The following BSCL2 variants were observed in gnomAD, a reference collection of about 807,000 sequenced individuals.
BSCL2 encodes the protein seipin.
A neutral mutation model predicts 57.4 loss-of-function variants in BSCL2; 41 were observed. The observed-to-expected ratio is 0.71, with a 90% CI of 0.56 to 0.93. BSCL2 has a LOEUF of 0.93. Among genes scored for constraint, BSCL2 ranks in the 40% least tolerant of loss-of-function variants. The probability of loss-of-function intolerance (pLI) is 0.00; values close to 1 mark genes in which losing one functional copy is unlikely to be tolerated. For missense variants in BSCL2, 539 were observed against 586.7 expected, an observed-to-expected ratio of 0.92 and a Z score of 0.84; for synonymous variants, 237 against 227.3, an observed-to-expected ratio of 1.04 and a Z score of -0.38.
chr11:62,696,322 G>C (rs936937028), intron 3 of BSCL2, among the ~76,000 whole-genome samples: 2 of 149,024 alleles, frequency 1.3e-5, no homozygotes, highest in Admixed American at 6.7e-5. Context: ...GTGAAGACAA[G>C]GTCTTGCTCT....
At chr11:62,699,568 T>C (rs972061182) in intron 3 of BSCL2, among the ~76,000 whole-genome samples, 4 of 152,058 alleles carry the variant, frequency 2.6e-5, no homozygotes, top group African/African-American at 4.8e-5. Flanking sequence ...AGGCCAGGCA[T>C]GGTGGCTCAT....
rs1468142891 is a variant in BSCL2, at chr11:62,691,396, T to A, written c.889A>T (p.Thr297Ser). ...CTGGCAACACCTATGAAGGCGCAGG[T>A]CATCGGGAAGTTGTATAGCAGGTAT... Reference protein sequence around the residue: ...LRYLLYNFPMTCAFIGVASNF... With the variant: ...LRYLLYNFPMSCAFIGVASNF... The change falls in exon 7 of 11, where the codon ACC (threonine) becomes TCC (serine). Residue 297 changes from threonine to serine, a missense_variant. Coordinates refer to ENST00000360796, the MANE Select transcript of BSCL2 (RefSeq NM_001122955.4). 1.2e-6 allele frequency: 2 copies of A among 1,614,028 alleles called. No individual in the cohort carries two copies. The highest frequency in any genetic ancestry group is 2.7e-5 in the African/African-American group (2 of 74,914).
chr11:62,697,002 C>T (rs1945489061), intron 3 of BSCL2, among the ~76,000 whole-genome samples: 2 of 151,516 alleles, frequency 1.3e-5, no homozygotes, highest in Non-Finnish European at 2.9e-5. Flanking sequence ...TGGGCCACTG[C>T]ACTCCAACCG....
At chr11:62,690,996 T>C (rs767077492) in intron 8 of BSCL2, 79 bp downstream of exon 8, 543 of 1,580,958 alleles carry the variant, frequency 3.4e-4, no homozygotes, top group Non-Finnish European at 4.4e-4. Flanking sequence ...AGCCTCATAC[T>C]GGATGAAGCA....
chr11:62,698,589 C>T (rs973463787), intron 3 of BSCL2, among the ~76,000 whole-genome samples: 3 of 152,226 alleles, frequency 2.0e-5, no homozygotes, highest in Non-Finnish European at 2.9e-5. Context: ...TTGAGAGCAG[C>T]GACCACATCT....
intron 6 of BSCL2, 84 bp from the exon 7 acceptor site, chr11:62,691,505 G>A (rs1945310203): frequency 6.6e-7 from 1 of 1,524,612 alleles, no homozygotes. Flanking sequence ...AATTTCTAGG[G>A]CAATTCAAGT....
At chr11:62,695,665 C>T (rs574635871) in intron 3 of BSCL2, among the ~76,000 whole-genome samples, 9 of 139,294 alleles carry the variant, frequency 6.5e-5, no homozygotes, top group African/African-American at 2.2e-4. Context: ...GAGCCGAGAG[C>T]GCGCCATTGC....
Position 62,691,080 on chromosome 11 carries a change from T to G in BSCL2, c.1067A>C (p.Gln356Pro). 6.2e-7 allele frequency: 1 copy of G among 1,614,246 alleles called. No homozygotes were observed. Among genetic ancestry groups the G allele is most frequent in the South Asian group, 1.1e-5 (1 of 91,088 alleles). ...TCCCCAGCCAACACCTTTACCTGGC[T>G]GATGAGCAGAGATCCTTCGTTGGAC... ...KEVQRRISAH[Q>P]PGPEGQEEST... Residue 356 changes from glutamine to proline, a missense_variant, in exon 8 of 11, where the codon CAG (glutamine) becomes CCG (proline). This residue lies in a region of BSCL2 where 248 missense variants were observed against 239.9 expected (regional missense o/e 1.03). Coordinates refer to ENST00000360796, the MANE Select transcript of BSCL2 (RefSeq NM_001122955.4).
At chr11:62,707,498 G>T (rs2083562253), upstream of BSCL2, 1 of 639,686 alleles carries the variant, frequency 1.6e-6, no homozygotes, top group South Asian at 1.7e-5. Context: ...CCATTTGAGA[G>T]GGGGAGTCGG....
chr11:62,703,588 T>C (rs1266193405), intron 2 of BSCL2, among the ~76,000 whole-genome samples: 1 of 151,032 alleles, frequency 6.6e-6, no homozygotes, highest in Non-Finnish European at 1.5e-5. Context: ...CCTGACCTTG[T>C]GATCCGCCTG....
upstream of BSCL2, chr11:62,708,481 T>C: frequency 8.1e-7 from 1 of 1,233,286 alleles, no homozygotes; most frequent in Non-Finnish European, 1.2e-6. Context: ...AGATGCGTTC[T>C]TTCCTTCACT....
upstream of BSCL2, chr11:62,708,271 C>G (rs777032288): frequency 6.7e-7 from 1 of 1,483,294 alleles, no homozygotes; most frequent in African/African-American, 1.4e-5. Context: ...AGACTGTGCT[C>G]TGAGAGGTCC....
In BSCL2 at chr11:62,691,237, A is replaced by G. The variant is rs1945301155; in HGVS notation, c.1005+43T>C. ...ATCCCCAACATACCCCTGACCACCC[A>G]CAAAGATCAAAGGGACAAAAGGGGG... On this transcript the variant is annotated intron_variant, in intron 7 of 10. Coordinates refer to ENST00000360796, the MANE Select transcript of BSCL2 (RefSeq NM_001122955.4). 3.1e-6 allele frequency: 5 copies of G among 1,614,022 alleles called. No individual in the cohort carries two copies. The African/African-American group carries it at 5.3e-5, about 17-fold the overall frequency.
chr11:62,700,952 C>CA (rs11306420), intron 3 of BSCL2, among the ~76,000 whole-genome samples: 1 of 144,876 alleles, frequency 6.9e-6, no homozygotes. Context: ...GACTCTGTCT[C>CA]AAAAAAAAAA....
intron 4 of BSCL2, among the ~76,000 whole-genome samples, chr11:62,693,894 A>C (rs1945376336): frequency 2.0e-5 from 3 of 152,014 alleles, no homozygotes; most frequent in African/African-American, 4.8e-5. Context: ...GGCTCACCAC[A>C]ACCTCTGCCT....
intron 4 of BSCL2, among the ~76,000 whole-genome samples, chr11:62,694,161 G>A (rs568996074): frequency 6.8e-6 from 1 of 148,074 alleles, no homozygotes; most frequent in Non-Finnish European, 1.5e-5. Flanking sequence ...AAAGCCAAGG[G>A]TGTTTTCTCC....
chr11:62,696,278 T>TTTTGTGTGTGTGTGTGTGTGTG (rs1554984017), intron 3 of BSCL2, among the ~76,000 whole-genome samples: 10 of 136,228 alleles, frequency 7.3e-5, no homozygotes, highest in Admixed American at 2.3e-4. Flanking sequence ...CATAAACTTT[T>TTTTGTGTGTGTGTGTGTGTGTG]TGTGTGTGTG....
In BSCL2 at chr11:62,702,502, G is replaced by GC. The variant is rs1361817019; in HGVS notation, c.451dup (p.Ala151GlyfsTer7). 6.2e-7 allele frequency: 1 copy of GC among 1,612,934 alleles called. No homozygotes were observed. On this transcript the variant is annotated frameshift_variant, in exon 3 of 11. Coordinates refer to ENST00000360796, the MANE Select transcript of BSCL2 (RefSeq NM_001122955.4). LOFTEE classifies it high-confidence loss of function. ...TCCACCCTTAGTCAGCGAGACATTG[G>GC]CAACAGGGAAGGAGCAGAGTGAGGT...
chr11:62,708,271 C>T, upstream of BSCL2: 1 of 1,483,412 alleles, frequency 6.7e-7, no homozygotes, highest in Non-Finnish European at 9.4e-7. Context: ...AGACTGTGCT[C>T]TGAGAGGTCC....
Sources: gnomAD v4.1 joint callset for allele counts (sites outside exome capture counted in the v4.1 genomes callset) on GRCh38, gnomAD v4.1.1 for gene constraint, gnomAD v4.1.1 regional missense constraint, MANE v1.5 for transcripts, NCBI Gene and HGNC (gene_info 2026-07-23, HGNC 2026-07-21) for gene names.